LINGO1: variants seen among roughly 807,000 people sequenced by gnomAD.
The protein encoded by LINGO1 is leucine-rich repeat and immunoglobulin-like domain-containing nogo receptor-interacting protein 1.
A neutral mutation model predicts 37.3 loss-of-function variants in LINGO1; 11 were observed. The observed-to-expected ratio is 0.29, with a 90% CI of 0.19 to 0.49. The LOEUF (loss-of-function observed/expected upper bound fraction) is 0.49, where lower values mean the gene tolerates loss of function less well. LINGO1 is among the 20% of genes least tolerant of loss of function. The pLI, the probability that LINGO1 is intolerant of heterozygous loss-of-function variation, is 0.99. For synonymous variants in LINGO1, 387 were observed against 403.0 expected, an observed-to-expected ratio of 0.96 and a Z score of 0.48; for missense variants, 585 against 878.2, an observed-to-expected ratio of 0.67 and a Z score of 4.22.
chr15:77,817,049 G>GGAGAGGCAGAGGAGCA (rs2077054003), intron 1 of LINGO1, among the ~76,000 whole-genome samples: 1 of 12,764 alleles, frequency 7.8e-5, no homozygotes, highest in African/African-American at 9.0e-5. Context: ...GGGAGGAGCA[G>GGAGAGGCAGAGGAGCA]GGAGAGGCAG....
At chr15:77,719,270 A>C (rs1382162449) in intron 2 of LINGO1, among the ~76,000 whole-genome samples, 1 of 149,912 alleles carries the variant, frequency 6.7e-6, no homozygotes, top group Admixed American at 6.7e-5. Flanking sequence ...TGGGTGGTGG[A>C]GTGAGGAACC....
chr15:77,687,957 T>G (rs2075540196), intron 2 of LINGO1, among the ~76,000 whole-genome samples: 1 of 152,096 alleles, frequency 6.6e-6, no homozygotes, highest in Non-Finnish European at 1.5e-5. Context: ...AGTTTATCCT[T>G]GCGGACAGGC....
chr15:77,615,158 G>C lies in LINGO1; in HGVS notation c.749C>G (p.Pro250Arg). ...GTTGGGTGTCATGGTGTCCAAGTAG[G>C]GCCAGTGGGAGATCTCCAAGACCTT... ...RLKVLEISHW[P>R]YLDTMTPNCL... Residue 250 changes from proline to arginine, a missense_variant, in exon 2 of 2, where the codon CCC becomes CGC. Pro to Arg is a moderately radical substitution (Grantham distance 103). This residue lies in a region of LINGO1 where 484 missense variants were observed against 735.0 expected (regional missense o/e 0.66). Coordinates refer to ENST00000355300, the MANE Select transcript of LINGO1 (RefSeq NM_032808.7). 6.2e-7 allele frequency: 1 copy of C among 1,613,910 alleles called. No homozygotes were observed. The highest frequency in any genetic ancestry group is 2.2e-5 in the East Asian group (1 of 44,864).
At chr15:77,712,164 C>T (rs1048101449) in intron 2 of LINGO1, among the ~76,000 whole-genome samples, 1 of 152,332 alleles carries the variant, frequency 6.6e-6, no homozygotes, top group Non-Finnish European at 1.5e-5. Flanking sequence ...GCCCCTACTG[C>T]CTGCTTCCAG....
intron 1 of LINGO1, among the ~76,000 whole-genome samples, chr15:77,807,720 A>T (rs2076971743): frequency 6.6e-6 from 1 of 152,166 alleles, no homozygotes; most frequent in Admixed American, 6.5e-5. Flanking sequence ...TTTCCTCCAT[A>T]ATGTAAAGAA....
chr15:77,622,446 ACTCCAC>A (rs2073952584), intron 1 of LINGO1, among the ~76,000 whole-genome samples: 1 of 151,978 alleles, frequency 6.6e-6, no homozygotes, highest in Non-Finnish European at 1.5e-5. Context: ...CGTCCCGGCC[ACTCCAC>A]CAGGTGAGTC....
At chr15:77,815,021 G>A (rs2077036317) in intron 1 of LINGO1, among the ~76,000 whole-genome samples, 1 of 152,222 alleles carries the variant, frequency 6.6e-6, no homozygotes, top group Admixed American at 6.5e-5. Context: ...TGGCAGATGG[G>A]TGCTGGAACT....
chr15:77,807,488 T>C (rs1325121094), intron 1 of LINGO1, among the ~76,000 whole-genome samples: 1 of 152,148 alleles, frequency 6.6e-6, no homozygotes, highest in Non-Finnish European at 1.5e-5. Flanking sequence ...AGGGAACCTC[T>C]AGGGAATGAA....
At chr15:77,810,389 G>C (rs896692099) in intron 1 of LINGO1, among the ~76,000 whole-genome samples, 2 of 151,812 alleles carry the variant, frequency 1.3e-5, no homozygotes, top group African/African-American at 2.4e-5. Context: ...AGAGGGAGAG[G>C]GACAGCGAGG....
At chr15:77,807,407 T>C (rs990074866) in intron 1 of LINGO1, among the ~76,000 whole-genome samples, 4 of 152,192 alleles carry the variant, frequency 2.6e-5, no homozygotes, top group African/African-American at 7.2e-5. Context: ...GGAACACCCA[T>C]TATGTGTCAG....
At chr15:77,626,577 G>A (rs1436991834) in intron 1 of LINGO1, among the ~76,000 whole-genome samples, 3 of 152,242 alleles carry the variant, frequency 2.0e-5, no homozygotes, top group Admixed American at 2.0e-4. Context: ...GCCACTACCC[G>A]GCTGCCCGTT....
chr15:77,763,782 G>C (rs1444309412), intron 1 of LINGO1, among the ~76,000 whole-genome samples: 1 of 152,174 alleles, frequency 6.6e-6, no homozygotes, highest in East Asian at 1.9e-4. Context: ...GCTGTTAAGA[G>C]GCAGCACCCA....
At chr15:77,624,939 G>A (rs762674328) in intron 1 of LINGO1, among the ~76,000 whole-genome samples, 8 of 152,200 alleles carry the variant, frequency 5.3e-5, no homozygotes, top group Non-Finnish European at 8.8e-5. Flanking sequence ...CTCGGGGACA[G>A]GAAGATGCCC....
At chr15:77,672,800 C>T (rs185032067) in intron 3 of LINGO1, among the ~76,000 whole-genome samples, 20 of 152,318 alleles carry the variant, frequency 1.3e-4, no homozygotes, top group Middle Eastern at 3.4e-3. Context: ...CTGTTGTCCC[C>T]GACTTCCCTT....
Position 77,779,567 on chromosome 15 carries a change from C to T in LINGO1, c.-257+7302G>A, listed in dbSNP as rs530790070. On this transcript the variant is annotated intron_variant, in intron 1 of 3. Coordinates refer to the LINGO1 transcript ENST00000561686. Reference sequence around the variant, plus strand: ...TTAGATTCTCCTAAGGAGAGTGCTACCTAGATCCCTCACATGCGCAGTTCA... The same window carrying T: ...TTAGATTCTCCTAAGGAGAGTGCTATCTAGATCCCTCACATGCGCAGTTCA... 9.2e-5 allele frequency among the ~76,000 whole-genome samples: 14 copies of T among 152,118 alleles called. No individual in the cohort carries two copies. The South Asian group carries it at 2.7e-3, about 29-fold the overall frequency.
At chr15:77,682,078 C>T (rs1264454349) in intron 2 of LINGO1, among the ~76,000 whole-genome samples, 1 of 152,122 alleles carries the variant, frequency 6.6e-6, no homozygotes, top group Admixed American at 6.5e-5. Context: ...CCTGATAAAA[C>T]CACAGTGGTG....
chr15:77,775,605 T>G (rs1267541056), intron 1 of LINGO1, among the ~76,000 whole-genome samples: 3 of 152,266 alleles, frequency 2.0e-5, no homozygotes, highest in East Asian at 1.9e-4. Flanking sequence ...GACAGGGTCG[T>G]GCACAGCAGG....
At chr15:77,699,957 G>A (rs1280862957), upstream of LINGO1, among the ~76,000 whole-genome samples, 2 of 152,216 alleles carry the variant, frequency 1.3e-5, no homozygotes, top group Non-Finnish European at 2.9e-5. Context: ...GGGCTGAGAG[G>A]AAGGAGGACT....
At chr15:77,771,745 C>A (rs553531934) in intron 1 of LINGO1, among the ~76,000 whole-genome samples, 40 of 152,148 alleles carry the variant, frequency 2.6e-4, no homozygotes, top group African/African-American at 8.2e-4. Flanking sequence ...TTGGCCACCC[C>A]CCGCCTACAT....
Sources: gnomAD v4.1 joint callset for allele counts (sites outside exome capture counted in the v4.1 genomes callset) on GRCh38, gnomAD v4.1.1 for gene constraint, gnomAD v4.1.1 regional missense constraint, MANE v1.5 for transcripts, NCBI Gene and HGNC (gene_info 2026-07-23, HGNC 2026-07-21) for gene names.